Variants in SNX25 observed in about 807,000 individuals in gnomAD.
The protein encoded by SNX25 is sorting nexin 25, also known as sorting nexin-25.
Under a neutral mutation model 113.7 loss-of-function variants are expected in SNX25, and 62 were observed. The observed-to-expected ratio is 0.55, with a 90% CI of 0.44 to 0.67. The LOEUF (loss-of-function observed/expected upper bound fraction) is 0.67, where lower values mean the gene tolerates loss of function less well. SNX25 is among the 30% of genes least tolerant of loss of function. SNX25 has a pLI of 0.00. For synonymous variants in SNX25, 421 were observed against 436.2 expected (o/e 0.97, Z 0.43); for missense variants, 1,014 against 1,161.0 (o/e 0.87, Z 1.84).
At chr4:185,335,316 TCACACACACACACACACACACA>T (rs3047486) in intron 10 of SNX25, among the ~76,000 whole-genome samples, 6 of 140,806 alleles carry the variant, frequency 4.3e-5, no homozygotes, top group Non-Finnish European at 7.7e-5. Flanking sequence ...TGAAAAAGTC[TCACACACACACACACACACACA>T]CACACACACA....
At chr4:185,370,744 T>C (rs2095411941), downstream of SNX25, 2 of 1,614,020 alleles carry the variant, frequency 1.2e-6, no homozygotes, top group Non-Finnish European at 1.7e-6. Flanking sequence ...CCTCTGCCGA[T>C]GAACTCCGGG....
intron 16 of SNX25, among the ~76,000 whole-genome samples, chr4:185,360,973 C>T (rs901541188): frequency 7.2e-6 from 1 of 139,822 alleles, no homozygotes; most frequent in African/African-American, 2.8e-5. Context: ...TAATGACTAA[C>T]GAAATGGGGT....
At chr4:185,343,052 G>C (rs978966640) in intron 12 of SNX25, among the ~76,000 whole-genome samples, 2 of 151,940 alleles carry the variant, frequency 1.3e-5, no homozygotes, top group African/African-American at 4.8e-5. Context: ...CACCACACCC[G>C]GCTAATTTTT....
chr4:185,320,552 T>C (rs1212726389), intron 7 of SNX25, among the ~76,000 whole-genome samples, 181 bp from the exon 8 acceptor site: 1 of 152,050 alleles, frequency 6.6e-6, no homozygotes, highest in Non-Finnish European at 1.5e-5. Flanking sequence ...TATATACCTA[T>C]GTAACAAACC....
At chr4:185,293,666 T>C (rs896785562) in intron 6 of SNX25, among the ~76,000 whole-genome samples, 2 of 152,220 alleles carry the variant, frequency 1.3e-5, no homozygotes, top group African/African-American at 4.8e-5. Flanking sequence ...TTTATGTCAT[T>C]TATTAGATGT....
At chr4:185,217,247 T>G (rs1352405174) in intron 1 of SNX25, among the ~76,000 whole-genome samples, 2 of 105,214 alleles carry the variant, frequency 1.9e-5, no homozygotes, top group East Asian at 3.3e-4. Flanking sequence ...AGTGAGACTG[T>G]GTCTTGGGAA....
chr4:185,215,881 C>T (rs1738732087), intron 1 of SNX25, among the ~76,000 whole-genome samples: 1 of 151,980 alleles, frequency 6.6e-6, no homozygotes, highest in Non-Finnish European at 1.5e-5. Context: ...CCTTCTCCTC[C>T]TGGGCTCAAG....
intron 8 of SNX25, 34 bp downstream of exon 8, chr4:185,320,898 C>G: frequency 1.3e-6 from 2 of 1,526,636 alleles, no homozygotes; most frequent in Non-Finnish European, 1.8e-6. Context: ...ATATTAATCA[C>G]TAGCTGATGT....
chr4:185,278,298 T>G (rs1750044979), intron 5 of SNX25, among the ~76,000 whole-genome samples: 2 of 152,186 alleles, frequency 1.3e-5, no homozygotes, highest in Non-Finnish European at 2.9e-5. Flanking sequence ...GCACCTCAGG[T>G]AGACCCTGGC....
At chr4:185,376,860 C>A in the SNX25 span, 1 of 1,374,580 alleles carries the variant, frequency 7.3e-7, no homozygotes, top group South Asian at 1.2e-5. Flanking sequence ...GTCTGAGGAT[C>A]TAACAACAGA....
At chr4:185,226,455 G>T (rs1406323420) in intron 1 of SNX25, among the ~76,000 whole-genome samples, 1 of 150,894 alleles carries the variant, frequency 6.6e-6, no homozygotes, top group Non-Finnish European at 1.5e-5. Flanking sequence ...TAAATTTTTT[G>T]TTGTTGTTTG....
intron 9 of SNX25, among the ~76,000 whole-genome samples, chr4:185,328,769 T>TA (rs1382681053): frequency 6.6e-6 from 1 of 152,136 alleles, no homozygotes; most frequent in East Asian, 1.9e-4. Context: ...GCAGTGCCTT[T>TA]AGCCCCAGGC....
chr4:185,225,792 A>T (rs747555812), intron 1 of SNX25, among the ~76,000 whole-genome samples: 4 of 152,170 alleles, frequency 2.6e-5, no homozygotes, highest in Admixed American at 1.3e-4. Flanking sequence ...GGATGGGAAA[A>T]CTGAGGTTTA....
downstream of SNX25, among the ~76,000 whole-genome samples, chr4:185,374,863 G>C (rs561439334): frequency 6.6e-6 from 1 of 152,086 alleles, no homozygotes; most frequent in East Asian, 1.9e-4. Flanking sequence ...TAATTCTTAC[G>C]ATACACTTGC....
At chr4:185,364,296 C>T (rs1017277759), downstream of SNX25, 8 of 152,172 alleles carry the variant, frequency 5.3e-5, no homozygotes, top group East Asian at 3.9e-4. Context: ...ATTATCAAGC[C>T]GTTTAGACCA....
At chr4:185,310,865 T>C in intron 7 of SNX25, 49 bp downstream of exon 7, 1 of 1,520,264 alleles carries the variant, frequency 6.6e-7, no homozygotes, top group Non-Finnish European at 8.8e-7. Flanking sequence ...TTATTATAAA[T>C]GCTGATAGAA....
In SNX25 at chr4:185,210,298, C is replaced by T. The variant is rs1737532440; in HGVS notation, c.429+43C>T. On this transcript the variant is annotated intron_variant, in intron 1 of 18. Coordinates refer to ENST00000652585, the MANE Select transcript of SNX25 (RefSeq NM_001378034.2). This position sits in a 1 kb window ranked among gnomAD's most constrained non-coding sequence, Gnocchi z 4.4. The stretch of plus-strand genomic sequence containing the variant: ...GGCCGCCCAGCTCCGCCGGCCCTCC[C>T]CGCTTCCGGTGCCAGCTCCCGCGCC... 1.0e-6 allele frequency: 1 copy of T among 984,704 alleles called. No homozygotes were observed. The highest frequency in any genetic ancestry group is 1.2e-6 in the Non-Finnish European group (1 of 829,772). 61.0% of individuals were successfully genotyped at this position (984,704 alleles called of 1,614,324 possible). A position where few individuals can be genotyped will look rare whatever the true frequency, so the allele number is the denominator to read the frequency against.
At chr4:185,361,686 C>T (rs1463212277) in intron 16 of SNX25, among the ~76,000 whole-genome samples, 4 of 151,780 alleles carry the variant, frequency 2.6e-5, no homozygotes, top group South Asian at 4.2e-4. Flanking sequence ...TCCAGTGAGC[C>T]GAGATCACAC....
intron 6 of SNX25, among the ~76,000 whole-genome samples, chr4:185,302,095 T>G (rs192289630): frequency 0.011 from 1,342 of 120,616 alleles, 18 homozygotes; most frequent in African/African-American, 0.034. Context: ...GTGTGTGTTT[T>G]TTTTGTTTTT....
Sources: allele counts gnomAD v4.1 joint callset (sites outside exome capture counted in the v4.1 genomes callset), GRCh38; gene constraint gnomAD v4.1.1; non-coding constraint Gnocchi (gnomAD v3.1); transcripts MANE v1.5; gene names NCBI Gene and HGNC (gene_info 2026-07-23, HGNC 2026-07-21).